Variants in ABLIM2 observed in about 807,000 individuals in gnomAD.
ABLIM2 encodes the protein actin binding LIM protein family member 2, also known as actin-binding LIM protein 2.
Under a neutral mutation model 97.7 loss-of-function variants are expected in ABLIM2, and 53 were observed. The observed-to-expected ratio is 0.54, with a 90% CI of 0.44 to 0.68. The LOEUF is 0.68. Ranked by LOEUF, ABLIM2 falls within the 30% of genes least tolerant of loss-of-function variation. The probability of loss-of-function intolerance (pLI) is 0.00; values close to 1 mark genes in which losing one functional copy is unlikely to be tolerated. For synonymous variants in ABLIM2, 361 were observed against 345.8 expected, an observed-to-expected ratio of 1.04 and a Z score of -0.49; for missense variants, 835 against 867.2, an observed-to-expected ratio of 0.96 and a Z score of 0.47.
chr4:8,104,275 G>A lies in ABLIM2; in HGVS notation c.154+2219C>T, dbSNP rs193227039. On this transcript the variant is annotated intron_variant, in intron 2 of 20. Coordinates refer to ENST00000447017, the MANE Select transcript of ABLIM2 (RefSeq NM_001130083.2). ...ACTCCCAGAAAACAAATCCTTCCCC[G>A]CGTGTGCCGGAGAGCGTGCTGTTCA... is the stretch of plus-strand genomic sequence containing the variant. Among the ~76,000 whole-genome samples, 10 of 152,316 alleles carry A rather than the reference G, an allele frequency of 6.6e-5. No homozygotes were observed. In the East Asian group the frequency reaches 1.2e-3, roughly 18 times the overall value.
In ABLIM2 at chr4:8,071,697, A is replaced by T; in HGVS notation, c.675+5931T>A. On this transcript the variant is annotated intron_variant, in intron 6 of 20. Transcript: ENST00000447017. The surrounding 1 kb of genome is among the most constrained non-coding windows in gnomAD (Gnocchi z 6.2). The stretch of plus-strand genomic sequence containing the variant: ...CTGACTGCTCTGTCCCCAAAAACCC[A>T]CCCACCCGCAGCCCCTCCTGGCCCC... The T allele has an allele frequency of 2.6e-6, 1 of 387,424 alleles. No homozygotes were observed. The highest frequency in any genetic ancestry group is 3.4e-6 in the Non-Finnish European group (1 of 294,832). 24.0% of individuals were successfully genotyped at this position (387,424 alleles called of 1,614,324 possible).
At chr4:7,982,364 G>A (rs1382526162) in intron 20 of ABLIM2, among the ~76,000 whole-genome samples, 2 of 152,238 alleles carry the variant, frequency 1.3e-5, no homozygotes, top group African/African-American at 4.8e-5. Context: ...ACTCTAGCAA[G>A]AGAGTCTACT....
intron 20 of ABLIM2, among the ~76,000 whole-genome samples, chr4:7,978,632 C>A (rs1735561509): frequency 6.6e-6 from 1 of 152,144 alleles, no homozygotes; most frequent in Admixed American, 6.5e-5. Flanking sequence ...AGGGGACACG[C>A]CCTTTGAGGA....
chr4:8,030,692 C>T (rs868020906), intron 10 of ABLIM2, among the ~76,000 whole-genome samples: 24 of 152,252 alleles, frequency 1.6e-4, no homozygotes, highest in South Asian at 6.2e-4. Flanking sequence ...CGCACTCTCT[C>T]GGGCCGGCTA....
rs535463291 is a variant in ABLIM2 at position 8,058,082 on chromosome 4, C to T, written c.763+2885G>A. ...CTGGCCTCAGGCCAGTCCTGAAGGGCGCCTTTGTTCCTGAGATGAGGTTAC... is the reference window on the plus strand; with the variant it reads ...CTGGCCTCAGGCCAGTCCTGAAGGGTGCCTTTGTTCCTGAGATGAGGTTAC... On this transcript the variant is annotated intron_variant, in intron 7 of 20. Coordinates refer to ENST00000447017, the MANE Select transcript of ABLIM2 (RefSeq NM_001130083.2). This position sits in a 1 kb window ranked among gnomAD's most constrained non-coding sequence, Gnocchi z 4.2. Among the ~76,000 whole-genome samples, 8 of 152,360 alleles carry T rather than the reference C, an allele frequency of 5.3e-5. No homozygotes were observed. The highest frequency in any genetic ancestry group is 1.3e-4 in the Admixed American group (2 of 15,310).
rs1408336313 is a variant in ABLIM2, at chr4:8,082,087, C to A, written c.455-1285G>T. On this transcript the variant is annotated intron_variant, in intron 4 of 20. Transcript: ENST00000447017. The surrounding 1 kb of genome is among the most constrained non-coding windows in gnomAD (Gnocchi z 5.6). ...TGTTGGGGGCATGACAAGGGAAGGG[C>A]CTCGGACCCCGTAATGGACAGGGAG... 1.3e-5 allele frequency among the ~76,000 whole-genome samples: 2 copies of A among 152,086 alleles called. No homozygotes were observed. The highest frequency in any genetic ancestry group is 4.8e-5 in the African/African-American group (2 of 41,404).
chr4:8,106,999 C>A (rs998090525), intron 1 of ABLIM2, among the ~76,000 whole-genome samples: 7 of 152,234 alleles, frequency 4.6e-5, no homozygotes, highest in African/African-American at 1.7e-4. Context: ...GCTGCCTTAA[C>A]CTGGCACGAC....
chr4:8,080,564 G>T (rs780231150), intron 5 of ABLIM2, 112 bp downstream of exon 5: 2 of 1,245,076 alleles, frequency 1.6e-6, no homozygotes, highest in Non-Finnish European at 2.1e-6. Flanking sequence ...GCTGTGTGAG[G>T]AATAGGAGAG....
At chr4:8,036,029 G>A (rs1010323151) in intron 10 of ABLIM2, 120 bp downstream of exon 10, 31 of 1,230,818 alleles carry the variant, frequency 2.5e-5, no homozygotes, top group Non-Finnish European at 3.3e-5. Context: ...GAGCGTGTGG[G>A]TGAGTGGTGA....
At chr4:8,047,101 G>A (rs997635511) in intron 8 of ABLIM2, among the ~76,000 whole-genome samples, 8 of 152,210 alleles carry the variant, frequency 5.3e-5, no homozygotes, top group Non-Finnish European at 8.8e-5. Flanking sequence ...CAGCGAGGAT[G>A]GGCAACATCA....
intron 20 of ABLIM2, among the ~76,000 whole-genome samples, chr4:7,979,259 C>G (rs1039987744): frequency 6.6e-6 from 1 of 152,256 alleles, no homozygotes; most frequent in South Asian, 2.1e-4. Flanking sequence ...TTTGCTAGCA[C>G]GATCCCCACA....
intron 9 of ABLIM2, among the ~76,000 whole-genome samples, chr4:8,040,662 G>A (rs1787812202): frequency 2.0e-5 from 3 of 152,036 alleles, no homozygotes; most frequent in Non-Finnish European, 2.9e-5. Flanking sequence ...CCTGGGATAA[G>A]GAGGGCTTGC....
intron 14 of ABLIM2, among the ~76,000 whole-genome samples, chr4:8,011,211 A>G (rs1764729794): frequency 6.6e-6 from 1 of 152,252 alleles, no homozygotes; most frequent in Non-Finnish European, 1.5e-5. Context: ...ATTCTGGCTG[A>G]AAAGCCATCT....
chr4:8,077,957 C>T (rs1817329430), intron 5 of ABLIM2, among the ~76,000 whole-genome samples: 1 of 152,222 alleles, frequency 6.6e-6, no homozygotes, highest in Non-Finnish European at 1.5e-5. Context: ...GAGCACAGGC[C>T]AGACCACCTG....
chr4:8,056,796 G>T (rs950610934), intron 7 of ABLIM2, among the ~76,000 whole-genome samples: 4 of 151,562 alleles, frequency 2.6e-5, no homozygotes, highest in African/African-American at 7.3e-5. Flanking sequence ...GCTGGGCATG[G>T]TGGCGGGCGC....
At position 8,128,249 on chromosome 4, in the gene ABLIM2, C is replaced by T. The variant is rs544070944; in HGVS notation, c.11-21612G>A. 1.8e-4 allele frequency among the ~76,000 whole-genome samples: 28 copies of T among 152,196 alleles called. No homozygotes were observed. The highest frequency in any genetic ancestry group is 3.5e-4 in the Non-Finnish European group (24 of 68,030). On this transcript the variant is annotated intron_variant, in intron 1 of 20. Transcript: ENST00000447017. The surrounding 1 kb of genome is among the most constrained non-coding windows in gnomAD (Gnocchi z 4.9). ...CACCAGTCACTGCATTTGGGGTCCGCCCTCATCCACAATGACCTCATCTCC... is the reference window on the plus strand; with the variant it reads ...CACCAGTCACTGCATTTGGGGTCCGTCCTCATCCACAATGACCTCATCTCC...
intron 20 of ABLIM2, among the ~76,000 whole-genome samples, chr4:7,972,062 C>T (rs1175277958): frequency 2.0e-5 from 3 of 152,158 alleles, no homozygotes; most frequent in Non-Finnish European, 2.9e-5. Flanking sequence ...AAGCTCCAGC[C>T]CTCCCAGCAG....
At chr4:7,978,531 G>T (rs536613980) in intron 20 of ABLIM2, among the ~76,000 whole-genome samples, 1 of 152,208 alleles carries the variant, frequency 6.6e-6, no homozygotes, top group Admixed American at 6.5e-5. Context: ...GCCCCTGGAC[G>T]CTGCTGCTGG....
intron 2 of ABLIM2, among the ~76,000 whole-genome samples, chr4:8,101,462 C>CGTT (rs1834566744): frequency 6.6e-6 from 1 of 152,242 alleles, no homozygotes; most frequent in Non-Finnish European, 1.5e-5. Context: ...GCCTGGAACG[C>CGTT]CCAGGAAGCA....
Sources: allele counts gnomAD v4.1 joint callset (sites outside exome capture counted in the v4.1 genomes callset), GRCh38; gene constraint gnomAD v4.1.1; non-coding constraint Gnocchi (gnomAD v3.1); transcripts MANE v1.5; gene names NCBI Gene and HGNC (gene_info 2026-07-23, HGNC 2026-07-21).